SAMD3: variants seen among roughly 807,000 people sequenced by gnomAD.
The protein encoded by SAMD3 is sterile alpha motif domain-containing protein 3.
In SAMD3, 63 loss-of-function variants were observed where a neutral mutation model predicts 58.5. That is an observed-to-expected ratio of 1.08 (90% confidence interval 0.88 to 1.33). The LOEUF (loss-of-function observed/expected upper bound fraction) is 1.33, where lower values mean the gene tolerates loss of function less well. Ranked by LOEUF, SAMD3 falls within the 40% of genes most tolerant of loss-of-function variation. The pLI is 0.00. For synonymous variants in SAMD3, 220 were observed against 210.3 expected (o/e 1.05, Z -0.40); for missense variants, 604 against 608.4 (o/e 0.99, Z 0.08).
intron 1 of SAMD3, among the ~76,000 whole-genome samples, chr6:130,364,142 T>C (rs1778063361): frequency 6.6e-6 from 1 of 152,212 alleles, no homozygotes; most frequent in South Asian, 2.1e-4. Flanking sequence ...ATAATTCCCT[T>C]TTGGTGATTT....
At chr6:130,263,113 T>A (rs1385883014) in intron 2 of SAMD3, among the ~76,000 whole-genome samples, 1 of 152,146 alleles carries the variant, frequency 6.6e-6, no homozygotes, top group Non-Finnish European at 1.5e-5. Context: ...ATAAAAATCA[T>A]ACAGGAAGCA....
intron 2 of SAMD3, among the ~76,000 whole-genome samples, chr6:130,301,581 A>C (rs1775749850): frequency 6.6e-6 from 1 of 152,196 alleles, no homozygotes; most frequent in Non-Finnish European, 1.5e-5. Flanking sequence ...AGAAAAAACA[A>C]TTCTAAAATT....
chr6:130,188,774 A>G (rs768972975), intron 5 of SAMD3, among the ~76,000 whole-genome samples: 2 of 151,998 alleles, frequency 1.3e-5, no homozygotes, highest in Non-Finnish European at 2.9e-5. Flanking sequence ...TTTCTTCCTT[A>G]ACTTCCTTGA....
chr6:130,283,394 C>T lies in SAMD3; in HGVS notation c.-188+29584G>A, dbSNP rs920074582. 2.0e-5 allele frequency among the ~76,000 whole-genome samples: 3 copies of T among 152,164 alleles called. No homozygotes were observed. The East Asian group carries it at 5.8e-4, about 29-fold the overall frequency. On this transcript the variant is annotated intron_variant, in intron 2 of 13. Coordinates refer to the SAMD3 transcript ENST00000368134. ...AAATATATGAATCCTTAGATTAAGG[C>T]AACATTATAAGTCATGAGCAGGCTA... is the stretch of plus-strand genomic sequence containing the variant.
chr6:130,284,426 T>A (rs1225844961), intron 2 of SAMD3, among the ~76,000 whole-genome samples: 1 of 152,060 alleles, frequency 6.6e-6, no homozygotes, highest in African/African-American at 2.4e-5. Context: ...ACTTAGTTAA[T>A]CTTATAGAAG....
intron 2 of SAMD3, among the ~76,000 whole-genome samples, chr6:130,239,166 G>A (rs1043013440): frequency 7.2e-5 from 11 of 152,178 alleles, no homozygotes; most frequent in African/African-American, 2.7e-4. Flanking sequence ...GAAGTGGACT[G>A]ACTCTCCTGA....
At chr6:130,218,980 A>G (rs1455025469) in intron 1 of SAMD3, among the ~76,000 whole-genome samples, 3 of 152,196 alleles carry the variant, frequency 2.0e-5, no homozygotes, top group Non-Finnish European at 2.9e-5. Flanking sequence ...TTGAACTGAG[A>G]GTATGTTCCA....
intron 9 of SAMD3, among the ~76,000 whole-genome samples, chr6:130,150,216 T>A (rs940909425): frequency 6.6e-6 from 1 of 152,202 alleles, no homozygotes; most frequent in Non-Finnish European, 1.5e-5. Context: ...CGTCCTGTCC[T>A]GAAGCAGCTG....
At chr6:130,340,730 T>C (rs549616171) in intron 1 of SAMD3, among the ~76,000 whole-genome samples, 1 of 152,372 alleles carries the variant, frequency 6.6e-6, no homozygotes, top group South Asian at 2.1e-4. Context: ...ATACTAGGTC[T>C]GATCCAATTG....
chr6:130,190,309 A>G (rs1793411277), intron 5 of SAMD3, among the ~76,000 whole-genome samples: 1 of 73,524 alleles, frequency 1.4e-5, no homozygotes, highest in Non-Finnish European at 2.6e-5. Context: ...AAAATTATGT[A>G]ACGTACAAAA....
Position 130,154,876 on chromosome 6 carries a change from T to C in SAMD3, c.972A>G (p.Thr324=). 1 of 1,613,264 alleles carries C rather than the reference T, an allele frequency of 6.2e-7. No individual in the cohort carries two copies. Among genetic ancestry groups the C allele is most frequent in the South Asian group, 1.1e-5 (1 of 91,056 alleles). ...ACAGTTTAAGAATGTCCTTCAGAGG[T>C]GTTCGGCTGCCAATCATCTTTCTTC... The part of the protein sequence containing the change: ...EIRRKMIGSR[T]PLKDILKLFP... The change falls in exon 9 of 12, where the codon ACA becomes ACG. Residue 324 remains threonine (T), a synonymous_variant. Coordinates refer to ENST00000439090, the MANE Select transcript of SAMD3 (RefSeq NM_001017373.4).
At chr6:130,237,443 C>T (rs1174084405) in intron 2 of SAMD3, among the ~76,000 whole-genome samples, 1 of 151,996 alleles carries the variant, frequency 6.6e-6, no homozygotes, top group Non-Finnish European at 1.5e-5. Flanking sequence ...ATCTAAATTT[C>T]TGAGCTATCT....
chr6:130,336,530 A>ATATT (rs1422659815), intron 1 of SAMD3, among the ~76,000 whole-genome samples: 1 of 152,212 alleles, frequency 6.6e-6, no homozygotes, highest in African/African-American at 2.4e-5. Flanking sequence ...TTTTCGTTCC[A>ATATT]TATTTTGTTC....
intron 2 of SAMD3, among the ~76,000 whole-genome samples, chr6:130,305,755 C>A (rs1391470772): frequency 6.6e-6 from 1 of 152,200 alleles, no homozygotes; most frequent in African/African-American, 2.4e-5. Context: ...ATAAATACAA[C>A]TTGGCAATCT....
At chr6:130,227,589 G>T (rs1028827183), upstream of SAMD3, among the ~76,000 whole-genome samples, 1 of 151,996 alleles carries the variant, frequency 6.6e-6, no homozygotes, top group Non-Finnish European at 1.5e-5. Flanking sequence ...GGAGTTCAAG[G>T]CCAGTCTGGC....
In SAMD3 at chr6:130,175,532, C is replaced by T. The variant is rs149348833; in HGVS notation, c.822+309G>A. 1.1e-4 allele frequency among the ~76,000 whole-genome samples: 16 copies of T among 151,830 alleles called. No individual in the cohort carries two copies. In the East Asian group the frequency reaches 1.7e-3, roughly 17 times the overall value. The stretch of plus-strand genomic sequence containing the variant: ...CAATAAGAGCATCAAGAACATAAGA[C>T]GCATTGTAGGATAAGAGCAAAAAAA... On this transcript the variant is annotated intron_variant, in intron 8 of 11. Coordinates refer to ENST00000439090, the MANE Select transcript of SAMD3 (RefSeq NM_001017373.4).
chr6:130,261,862 A>G (rs7773962), intron 2 of SAMD3, among the ~76,000 whole-genome samples: 66,968 of 151,604 alleles, frequency 0.44, 18,007 homozygotes, highest in African/African-American at 0.75. Flanking sequence ...ACCAGTTCCC[A>G]TACATAGACA....
intron 1 of SAMD3, among the ~76,000 whole-genome samples, chr6:130,361,403 C>T (rs755903808): frequency 2.2e-4 from 34 of 152,110 alleles, no homozygotes; most frequent in African/African-American, 5.6e-4. Context: ...CTAAATAGCA[C>T]GATTTAAACT....
At chr6:130,339,091 G>A (rs1447939723) in intron 1 of SAMD3, among the ~76,000 whole-genome samples, 1 of 152,044 alleles carries the variant, frequency 6.6e-6, no homozygotes, top group Non-Finnish European at 1.5e-5. Context: ...TTGTTGCCCA[G>A]GCTGGAGTGT....
Sources: allele counts gnomAD v4.1 joint callset (sites outside exome capture counted in the v4.1 genomes callset), GRCh38; gene constraint gnomAD v4.1.1; transcripts MANE v1.5; gene names NCBI Gene and HGNC (gene_info 2026-07-23, HGNC 2026-07-21).